The following UNC13D variants were observed in gnomAD, a reference collection of about 807,000 sequenced individuals.
UNC13D encodes protein unc-13 homolog D.
UNC13D carries 115 observed loss-of-function variants against 151.7 expected under a neutral mutation model. That is an observed-to-expected ratio of 0.76 (90% CI 0.65 to 0.88). The LOEUF is 0.88. Among genes scored for constraint, UNC13D ranks in the 40% least tolerant of loss-of-function variants. The pLI, the probability that UNC13D is intolerant of heterozygous loss-of-function variation, is 0.00. For missense variants in UNC13D, 1,369 were observed against 1,438.7 expected, an observed-to-expected ratio of 0.95 and a Z score of 0.78; for synonymous variants, 588 against 612.2, an observed-to-expected ratio of 0.96 and a Z score of 0.58.
In UNC13D at chr17:75,827,931, AC is replaced by A. The variant is rs773505852; in HGVS notation, c.*33del. 1.7e-5 allele frequency: 27 copies of A among 1,602,906 alleles called. No individual in the cohort carries two copies. The South Asian group carries it at 2.9e-4, about 17-fold the overall frequency. On this transcript the variant is annotated 3_prime_UTR_variant, in exon 32 of 32. Coordinates refer to ENST00000207549, the MANE Select transcript of UNC13D (RefSeq NM_199242.3). ...TACAGGAAAGCCCTTGCAAGTCCCC[AC>A]CGGGGACCCAGCCCCACCGCAAACC... is the stretch of plus-strand genomic sequence containing the variant.
Position 75,827,400 on chromosome 17 carries a change from A to C in UNC13D, c.*565T>G. The C allele has an allele frequency of 1.4e-6, 2 of 1,389,752 alleles. No homozygotes were observed. The highest frequency in any genetic ancestry group is 1.9e-6 in the Non-Finnish European group (2 of 1,068,652). The allele number at this position is 1,389,752 out of a possible 1,614,324, so 86.1% of individuals were successfully genotyped here. A position where few individuals can be genotyped will look rare whatever the true frequency, so the allele number is the denominator to read the frequency against. ...TGCCAGCTCTTGCTCCCTCAGAGCCAGAAGGTTCTTGGCTCCAGGCTTCCT... is the reference window on the plus strand; with the variant it reads ...TGCCAGCTCTTGCTCCCTCAGAGCCCGAAGGTTCTTGGCTCCAGGCTTCCT... On this transcript the variant is annotated 3_prime_UTR_variant, in exon 32 of 32. Transcript: ENST00000207549.
At chr17:75,837,698 G>A (rs1206276948) in intron 12 of UNC13D, among the ~76,000 whole-genome samples, 1 of 150,286 alleles carries the variant, frequency 6.7e-6, no homozygotes, top group Non-Finnish European at 1.5e-5. Flanking sequence ...AAGTTGCAGT[G>A]AGCTGAGATT....
intron 1 of UNC13D, 188 bp downstream of exon 1, chr17:75,844,033 G>GC: frequency 7.0e-7 from 1 of 1,435,264 alleles, no homozygotes; most frequent in South Asian, 1.4e-5. Flanking sequence ...GCCCACAGTG[G>GC]CCCAGAGTCC....
chr17:75,843,028 C>A lies in UNC13D; in HGVS notation c.307G>T (p.Val103Phe). 6.2e-7 allele frequency: 1 copy of A among 1,611,758 alleles called. No individual in the cohort carries two copies. Among genetic ancestry groups the A allele is most frequent in the Non-Finnish European group, 8.5e-7 (1 of 1,179,792 alleles). Reference protein sequence around the residue: ...PEEHQQTLQRVRELEKPIFCL... With the variant: ...PEEHQQTLQRFRELEKPIFCL... The stretch of plus-strand genomic sequence containing the variant: ...CCCCAGGTTACCTCAAGCTCCCTGA[C>A]CCGCTGCAGTGTCTGCTGGTGCTCC... Residue 103 changes from valine (V) to phenylalanine (F), a missense_variant, in exon 4 of 32, where the codon GTC (valine) becomes TTC (phenylalanine). Transcript: ENST00000207549.
At chr17:75,842,758 C>T in intron 5 of UNC13D, 99 bp downstream of exon 5, 1 of 1,594,796 alleles carries the variant, frequency 6.3e-7, no homozygotes, top group East Asian at 2.2e-5. Context: ...TACAGGGCTT[C>T]TTGGAAGTGG....
At position 75,840,337 on chromosome 17, in the gene UNC13D, G is replaced by A. The variant is rs201406035; in HGVS notation, c.754-8C>T. 89 of 1,613,232 alleles carry A rather than the reference G, an allele frequency of 5.5e-5. 1 individual carries two copies. In the East Asian group the frequency reaches 1.9e-3, roughly 35 times the overall value. On this transcript the variant is annotated splice_polypyrimidine_tract_variant and splice_region_variant and intron_variant, in intron 9 of 31. Transcript: ENST00000207549. This position sits in a 1 kb window ranked among gnomAD's most constrained non-coding sequence, Gnocchi z 4.6. ...CTCTCGGCAGCGCAGGTCCTGACAGGCGGGGATGCCCAGCCCGTGAGCGTC... is the reference window on the plus strand; with the variant it reads ...CTCTCGGCAGCGCAGGTCCTGACAGACGGGGATGCCCAGCCCGTGAGCGTC...
chr17:75,837,234 T>C (rs539392037), intron 12 of UNC13D, among the ~76,000 whole-genome samples: 2 of 151,472 alleles, frequency 1.3e-5, no homozygotes, highest in African/African-American at 4.8e-5. Flanking sequence ...CCCAGCTAAA[T>C]TTTTTATTTT....
At chr17:75,828,452 T>C (rs529074669) in intron 31 of UNC13D, among the ~76,000 whole-genome samples, 2 of 152,222 alleles carry the variant, frequency 1.3e-5, no homozygotes, top group African/African-American at 2.4e-5. Context: ...CTGGAATGCA[T>C]AAAGTGCTTA....
chr17:75,840,352 C>T lies in UNC13D; in HGVS notation c.754-23G>A, dbSNP rs1599412670. 1 of 1,612,304 alleles carries T rather than the reference C, an allele frequency of 6.2e-7. No individual in the cohort carries two copies. The highest frequency in any genetic ancestry group is 2.2e-5 in the East Asian group (1 of 44,858). ...GTCCTGACAGGCGGGGATGCCCAGC[C>T]CGTGAGCGTCAGAACCTCATAGAGT... is the stretch of plus-strand genomic sequence containing the variant. On this transcript the variant is annotated intron_variant, in intron 9 of 31. Coordinates refer to ENST00000207549, the MANE Select transcript of UNC13D (RefSeq NM_199242.3). This position sits in a 1 kb window ranked among gnomAD's most constrained non-coding sequence, Gnocchi z 4.6.
Position 75,842,867 on chromosome 17 carries a change from T to C in UNC13D, c.378A>G (p.Lys126=). 1 of 1,613,438 alleles carries C rather than the reference T, an allele frequency of 6.2e-7. No individual in the cohort carries two copies. The highest frequency in any genetic ancestry group is 1.1e-5 in the South Asian group (1 of 91,072). ...TVKQAKGILG[K]DVSGFSDPYC... Reference sequence around the variant, plus strand: ...CCACCCCATGCTCACCACTGACATCTTTGCCCAGAATGCCCTTGGCCTGTT... The same window carrying C: ...CCACCCCATGCTCACCACTGACATCCTTGCCCAGAATGCCCTTGGCCTGTT... The change falls in exon 5 of 32, where the codon AAA becomes AAG. Residue 126 remains lysine, a synonymous_variant. Coordinates refer to ENST00000207549, the MANE Select transcript of UNC13D (RefSeq NM_199242.3).
chr17:75,835,368 C>A, intron 20 of UNC13D, 41 bp downstream of exon 20: 1 of 1,603,550 alleles, frequency 6.2e-7, no homozygotes, highest in South Asian at 1.1e-5. Context: ...AGCCTCACCC[C>A]CAAACCGGGG....
rs576796649 is a variant in UNC13D at position 75,836,364 on chromosome 17, G to T, written c.1364C>A (p.Pro455His). Residue 455 changes from proline to histidine, a missense_variant, in exon 15 of 32, where the codon CCC becomes CAC. Around this residue, in one of 3 missense-constraint regions of UNC13D, gnomAD observed 550 missense variants for 609.0 expected, o/e 0.90. Coordinates refer to ENST00000207549, the MANE Select transcript of UNC13D (RefSeq NM_199242.3). ...GELCPNTAPL[P>H]QLVTEALQTG... ...CTGCAGGGCCTCAGTCACCAGCTGGGGCAATGGGGCGGTGTTGGGGCACAG... is the reference window on the plus strand; with the variant it reads ...CTGCAGGGCCTCAGTCACCAGCTGGTGCAATGGGGCGGTGTTGGGGCACAG... 2 of 1,613,988 alleles carry T rather than the reference G, an allele frequency of 1.2e-6. No individual in the cohort carries two copies. Among genetic ancestry groups the T allele is most frequent in the Admixed American group, 1.7e-5 (1 of 60,020 alleles).
chr17:75,840,500 TC>T lies in UNC13D; in HGVS notation c.753+6del. 1 of 1,607,258 alleles carries T rather than the reference TC, an allele frequency of 6.2e-7. No homozygotes were observed. The highest frequency in any genetic ancestry group is 8.5e-7 in the Non-Finnish European group (1 of 1,176,078). On this transcript the variant is annotated splice_donor_region_variant and intron_variant, in intron 9 of 31. Coordinates refer to ENST00000207549, the MANE Select transcript of UNC13D (RefSeq NM_199242.3). The surrounding 1 kb of genome is among the most constrained non-coding windows in gnomAD (Gnocchi z 4.6). Reference sequence around the variant, plus strand: ...CGCTCCTGGGCCCCTTTCCTCATCCTCCTCACCTGCAGCCTCAGAACCACGT... The same window carrying T: ...CGCTCCTGGGCCCCTTTCCTCATCCTCTCACCTGCAGCCTCAGAACCACGT...
In UNC13D at chr17:75,833,077, C is replaced by G; in HGVS notation, c.2368-32G>C. 6.3e-7 allele frequency: 1 copy of G among 1,582,220 alleles called. No homozygotes were observed. On this transcript the variant is annotated intron_variant, in intron 24 of 31. Coordinates refer to ENST00000207549, the MANE Select transcript of UNC13D (RefSeq NM_199242.3). This position sits in a 1 kb window ranked among gnomAD's most constrained non-coding sequence, Gnocchi z 4.0. ...AGGGAGATGGGGAGCAGGTGTGGCTCCGGCCCATGTTGGCCCCACCCCCAT... is the reference window on the plus strand; with the variant it reads ...AGGGAGATGGGGAGCAGGTGTGGCTGCGGCCCATGTTGGCCCCACCCCCAT...
chr17:75,834,390 G>T lies in UNC13D; in HGVS notation c.2233C>A (p.Leu745Met), dbSNP rs774441894. ...CCCAGCCCGGCCAGCGCGCTCTGCA[G>T]CTGGGCATGCAGCGTGTTCTGCAGC... ...GQLQNTLHAQ[L>M]QSALAGLGHE... Residue 745 changes from leucine to methionine, a missense_variant, in exon 23 of 32, where the codon CTG becomes ATG. Physicochemically the swap from Leu to Met is conservative, Grantham distance 15. This residue lies in a region of UNC13D where 807 missense variants were observed against 795.5 expected (regional missense o/e 1.01). Coordinates refer to ENST00000207549, the MANE Select transcript of UNC13D (RefSeq NM_199242.3). 5.7e-6 allele frequency: 9 copies of T among 1,590,430 alleles called. No homozygotes were observed. In the East Asian group the frequency reaches 2.0e-4, roughly 36 times the overall value.
In UNC13D at chr17:75,834,456, C is replaced by G; in HGVS notation, c.2167G>C (p.Ala723Pro). The G allele has an allele frequency of 1.9e-6, 3 of 1,564,334 alleles. No homozygotes were observed. The highest frequency in any genetic ancestry group is 2.6e-6 in the Non-Finnish European group (3 of 1,158,012). The change falls in exon 23 of 32, where the codon GCC becomes CCC. Residue 723 changes from alanine to proline, a missense_variant. Transcript: ENST00000207549. Reference protein sequence around the residue: ...GKLPAQLAWEALEQRVGAVLE... With the variant: ...GKLPAQLAWEPLEQRVGAVLE... The stretch of plus-strand genomic sequence containing the variant: ...ACGGCCCCTACCCGCTGCTCCAGGG[C>G]CTCCCATGCCAGCTGGGCGGGCAAC...
intron 20 of UNC13D, 62 bp downstream of exon 20, chr17:75,835,347 G>C: frequency 6.3e-7 from 1 of 1,590,358 alleles, no homozygotes; most frequent in Non-Finnish European, 8.6e-7. Flanking sequence ...TGGAGGTCCA[G>C]GCAGAACCCA....
rs1488987290 is a variant in UNC13D at position 75,833,506 on chromosome 17, T to C, written c.2368-461A>G. On this transcript the variant is annotated intron_variant, in intron 24 of 31. Coordinates refer to ENST00000207549, the MANE Select transcript of UNC13D (RefSeq NM_199242.3). This position sits in a 1 kb window ranked among gnomAD's most constrained non-coding sequence, Gnocchi z 4.0. ...CACACTGCATGTGTGTGCACGCGCATACACGCCTGTGCATAGAGTTAACAG... is the reference window on the plus strand; with the variant it reads ...CACACTGCATGTGTGTGCACGCGCACACACGCCTGTGCATAGAGTTAACAG... 1.3e-5 allele frequency among the ~76,000 whole-genome samples: 2 copies of C among 152,206 alleles called. No homozygotes were observed. The highest frequency in any genetic ancestry group is 6.5e-5 in the Admixed American group (1 of 15,290).
chr17:75,829,867 C>G, intron 30 of UNC13D, 161 bp downstream of exon 30: 5 of 1,147,998 alleles, frequency 4.4e-6, no homozygotes, highest in Non-Finnish European at 6.1e-6. Context: ...TGTGAGCCAC[C>G]ACATCCAGCT....
Sources: allele counts gnomAD v4.1 joint callset (sites outside exome capture counted in the v4.1 genomes callset), GRCh38; gene constraint gnomAD v4.1.1; regional missense constraint gnomAD v4.1.1; non-coding constraint Gnocchi (gnomAD v3.1); transcripts MANE v1.5; gene names NCBI Gene and HGNC (gene_info 2026-07-23, HGNC 2026-07-21).